CDCP1: variants seen among roughly 807,000 people sequenced by gnomAD.
CDCP1 encodes the protein CUB domain containing protein 1, also known as CUB domain-containing protein 1.
CDCP1 carries 29 observed loss-of-function variants against 60.2 expected under a neutral mutation model. That is an observed-to-expected ratio of 0.48 (90% CI 0.36 to 0.66). The LOEUF is 0.66. Ranked by LOEUF, CDCP1 falls within the 30% of genes least tolerant of loss-of-function variation. The probability of loss-of-function intolerance (pLI) is 0.00; values close to 1 mark genes in which losing one functional copy is unlikely to be tolerated. For synonymous variants in CDCP1, 387 were observed against 431.1 expected (o/e 0.90, Z 1.27); for missense variants, 876 against 1,074.3 (o/e 0.82, Z 2.58).
At position 45,083,752 on chromosome 3, in the gene CDCP1, A is replaced by G. The variant is rs1698140646; in HGVS notation, c.*1886T>C. 6.6e-6 allele frequency: 1 copy of G among 151,878 alleles called. No individual in the cohort carries two copies. The highest frequency in any genetic ancestry group is 2.4e-5 in the African/African-American group (1 of 41,320). The allele number at this position is 151,878 out of a possible 1,614,324, so 9.4% of individuals were successfully genotyped here. On this transcript the variant is annotated 3_prime_UTR_variant, in exon 9 of 9. Coordinates refer to ENST00000296129, the MANE Select transcript of CDCP1 (RefSeq NM_022842.5). ...TGGTGAAACCCTGTCTCTACAAAAA[A>G]TACAAAATTAGCTGGGCATGGTGGT...
intron 4 of CDCP1, among the ~76,000 whole-genome samples, chr3:45,102,037 G>A (rs900696079): frequency 2.6e-5 from 4 of 152,154 alleles, no homozygotes; most frequent in Non-Finnish European, 4.4e-5. Context: ...ACAGAAGGTT[G>A]CAATTTAAAT....
At position 45,110,636 on chromosome 3, in the gene CDCP1, G is replaced by A; in HGVS notation, c.861C>T (p.Gly287=). The change falls in exon 4 of 9, where the codon GGC becomes GGT. Residue 287 remains glycine (G), a synonymous_variant. Transcript: ENST00000296129. ...KEERVEYYIP[G]STTNPEVFKL... ...TGAACACCTCGGGGTTGGTGGTGGA[G>A]CCCGGGATGTAGTATTCAACCCGCT... 3 of 1,614,174 alleles carry A rather than the reference G, an allele frequency of 1.9e-6. No individual in the cohort carries two copies.
At chr3:45,101,625 G>A (rs1458595537) in intron 4 of CDCP1, among the ~76,000 whole-genome samples, 1 of 152,186 alleles carries the variant, frequency 6.6e-6, no homozygotes, top group Non-Finnish European at 1.5e-5. Flanking sequence ...AGTGGTTCAT[G>A]TCTGTAATCC....
rs1698711862 is a variant in CDCP1 at position 45,112,393 on chromosome 3, T to C, written c.345A>G (p.Thr115=). The C allele has an allele frequency of 3.1e-6, 5 of 1,614,236 alleles. No individual in the cohort carries two copies. The highest frequency in any genetic ancestry group is 2.7e-5 in the African/African-American group (2 of 75,058). ...PFGEVQLQPS[T]SLLPTLNRTF... is the part of the protein sequence containing the mutation. ...TTCTGTTGAGGGTAGGCAACAACGA[T>C]GTCGAGGGCTGAAGCTGAACCTCCC... Residue 115 remains threonine, a synonymous_variant, in exon 3 of 9, where the codon ACA becomes ACG. Transcript: ENST00000296129.
intron 8 of CDCP1, among the ~76,000 whole-genome samples, 169 bp downstream of exon 8, chr3:45,088,885 T>A (rs561228930): frequency 7.1e-6 from 1 of 140,868 alleles, no homozygotes; most frequent in South Asian, 2.1e-4. Flanking sequence ...AGGCATGGGA[T>A]TTTTTTTCTC....
chr3:45,146,258 G>C lies in CDCP1; in HGVS notation c.30C>G (p.Ile10Met). The change falls in exon 1 of 9, where the codon ATC becomes ATG. Residue 10 changes from isoleucine to methionine, a missense_variant. Coordinates refer to ENST00000296129, the MANE Select transcript of CDCP1 (RefSeq NM_022842.5). MAGLNCGVS[I>M]ALLGVLLLGA... is the part of the protein sequence containing the mutation. ...CCAGCAGCAGAACCCCTAGCAGTGC[G>C]ATAGAGACCCCGCAGTTCAGGCCGG... The C allele has an allele frequency of 6.3e-7, 1 of 1,592,686 alleles. No individual in the cohort carries two copies. The highest frequency in any genetic ancestry group is 8.5e-7 in the Non-Finnish European group (1 of 1,172,040).
intron 1 of CDCP1, among the ~76,000 whole-genome samples, chr3:45,123,807 T>A (rs1028314207): frequency 1.3e-5 from 2 of 152,238 alleles, no homozygotes; most frequent in Non-Finnish European, 1.5e-5. Flanking sequence ...ATTGGTCTAA[T>A]ATTTCAGAAA....
At chr3:45,116,237 G>C (rs77722978) in intron 2 of CDCP1, among the ~76,000 whole-genome samples, 10 of 7,876 alleles carry the variant, frequency 1.3e-3, no homozygotes, top group Admixed American at 0.013. Flanking sequence ...ATACTGTTCT[G>C]TTAAAAAAAA....
intron 1 of CDCP1, among the ~76,000 whole-genome samples, chr3:45,145,526 C>T (rs1297266310): frequency 6.6e-6 from 1 of 152,146 alleles, no homozygotes; most frequent in Non-Finnish European, 1.5e-5. Context: ...AGTCCACTGC[C>T]AAAAAGTGCG....
Position 45,083,439 on chromosome 3 carries a change from C to A in CDCP1, c.*2199G>T, listed in dbSNP as rs1169334486. The A allele has an allele frequency of 6.6e-6, 1 of 152,172 alleles. No individual in the cohort carries two copies. The highest frequency in any genetic ancestry group is 2.4e-5 in the African/African-American group (1 of 41,438). 9.4% of individuals were successfully genotyped at this position (152,172 alleles called of 1,614,324 possible). ...GTGAACAAGTTGAGGCGGTGCATTT[C>A]CAAGGTGAATTCATTGAATACAATG... On this transcript the variant is annotated 3_prime_UTR_variant, in exon 9 of 9. Coordinates refer to ENST00000296129, the MANE Select transcript of CDCP1 (RefSeq NM_022842.5).
chr3:45,108,034 C>T (rs1305881822), intron 4 of CDCP1, among the ~76,000 whole-genome samples: 1 of 151,872 alleles, frequency 6.6e-6, no homozygotes, highest in Non-Finnish European at 1.5e-5. Flanking sequence ...AGGAGAATCG[C>T]TTGAACCTGG....
intron 1 of CDCP1, among the ~76,000 whole-genome samples, chr3:45,125,816 A>G (rs1246644047): frequency 6.6e-6 from 1 of 152,194 alleles, no homozygotes; most frequent in Non-Finnish European, 1.5e-5. Flanking sequence ...AATTCTGCAC[A>G]CCTTATCTGC....
At chr3:45,115,898 A>C (rs1305230652) in intron 2 of CDCP1, among the ~76,000 whole-genome samples, 2 of 152,258 alleles carry the variant, frequency 1.3e-5, no homozygotes, top group East Asian at 3.9e-4. Flanking sequence ...TATTTTTCCT[A>C]TCAAGGAACA....
At chr3:45,123,116 T>A (rs1166373127) in intron 1 of CDCP1, among the ~76,000 whole-genome samples, 1 of 152,188 alleles carries the variant, frequency 6.6e-6, no homozygotes, top group East Asian at 1.9e-4. Context: ...CCTTCCTTCA[T>A]GAATTACTAA....
At chr3:45,126,956 C>G (rs576589856) in intron 1 of CDCP1, among the ~76,000 whole-genome samples, 1 of 152,128 alleles carries the variant, frequency 6.6e-6, no homozygotes, top group African/African-American at 2.4e-5. Context: ...GCTCTGACAC[C>G]GGTGCCCGGG....
intron 5 of CDCP1, among the ~76,000 whole-genome samples, chr3:45,094,630 C>T (rs566337310): frequency 8.0e-5 from 12 of 149,340 alleles, no homozygotes; most frequent in East Asian, 2.0e-4. Context: ...AAAAATAGAA[C>T]GAGTCAAAGT....
chr3:45,144,130 G>A (rs1290781211), intron 1 of CDCP1, among the ~76,000 whole-genome samples: 1 of 152,088 alleles, frequency 6.6e-6, no homozygotes, highest in Non-Finnish European at 1.5e-5. Flanking sequence ...GGGAGTTGGT[G>A]GGGATACCAA....
chr3:45,125,480 T>C (rs1698962088), intron 1 of CDCP1, among the ~76,000 whole-genome samples: 1 of 152,222 alleles, frequency 6.6e-6, no homozygotes, highest in African/African-American at 2.4e-5. Flanking sequence ...AACAGGATAA[T>C]AATGAAATTC....
chr3:45,110,166 C>T, intron 4 of CDCP1: 1 of 1,193,282 alleles, frequency 8.4e-7, no homozygotes. Context: ...CATCCTCATT[C>T]ACATTGCAGG....
Sources: gnomAD v4.1 joint callset for allele counts (sites outside exome capture counted in the v4.1 genomes callset) on GRCh38, gnomAD v4.1.1 for gene constraint, MANE v1.5 for transcripts, NCBI Gene and HGNC (gene_info 2026-07-23, HGNC 2026-07-21) for gene names.